Variants in HEATR5A observed in about 807,000 individuals in gnomAD.
HEATR5A encodes the protein HEAT repeat-containing protein 5A.
HEATR5A carries 178 observed loss-of-function variants against 218.8 expected under a neutral mutation model. The ratio of observed to expected loss-of-function variants is 0.81; its 90% CI spans 0.72 to 0.92. The LOEUF (loss-of-function observed/expected upper bound fraction) is 0.92. Ranked by LOEUF, HEATR5A falls within the 40% of genes least tolerant of loss-of-function variation. HEATR5A has a pLI of 0.00. For missense variants in HEATR5A, 2,420 were observed against 2,418.9 expected (o/e 1.00, Z -0.01); for synonymous variants, 864 against 871.6 (o/e 0.99, Z 0.15).
In HEATR5A at chr14:31,337,624, A is replaced by G. The variant is rs1339847312; in HGVS notation, c.3229-10T>C. On this transcript the variant is annotated splice_polypyrimidine_tract_variant and intron_variant, in intron 21 of 35. Transcript: ENST00000543095. ...GGCTACAAAGATTCACCTGAAAAAT[A>G]CCATTTGAGGAACGACAGAGCTAAA... is the stretch of plus-strand genomic sequence containing the variant. 1.3e-6 allele frequency: 2 copies of G among 1,596,232 alleles called. No homozygotes were observed. The highest frequency in any genetic ancestry group is 1.3e-5 in the African/African-American group (1 of 74,688).
chr14:31,409,794 C>T (rs570522713), intron 1 of HEATR5A, among the ~76,000 whole-genome samples: 1 of 152,326 alleles, frequency 6.6e-6, no homozygotes, highest in South Asian at 2.1e-4. Flanking sequence ...TAAGCACCTT[C>T]AACAATGTCA....
intron 13 of HEATR5A, among the ~76,000 whole-genome samples, chr14:31,365,102 T>C (rs904879312): frequency 2.7e-5 from 4 of 150,610 alleles, no homozygotes; most frequent in Non-Finnish European, 5.9e-5. Context: ...CTTGGACTCC[T>C]GACCTCGTGA....
At chr14:31,326,067 G>T in intron 23 of HEATR5A, 96 bp downstream of exon 23, 1 of 869,618 alleles carries the variant, frequency 1.1e-6, no homozygotes, top group Non-Finnish European at 1.9e-6. Context: ...AATCCAGCTA[G>T]TTAGACAAGA....
intron 22 of HEATR5A, chr14:31,334,198 GC>G (rs1900573262): frequency 3.6e-6 from 1 of 277,172 alleles, no homozygotes; most frequent in Admixed American, 4.0e-5. Flanking sequence ...CTGACAATGT[GC>G]CTAGTTACCC....
At chr14:31,376,555 C>T (rs1902234990) in intron 11 of HEATR5A, among the ~76,000 whole-genome samples, 1 of 152,142 alleles carries the variant, frequency 6.6e-6, no homozygotes, top group Non-Finnish European at 1.5e-5. Flanking sequence ...AACACACATA[C>T]ACGCACACTT....
intron 10 of HEATR5A, 97 bp from the exon 11 acceptor site, chr14:31,380,675 T>C (rs1319962374): frequency 6.7e-6 from 5 of 750,858 alleles, no homozygotes; most frequent in Non-Finnish European, 1.1e-5. Flanking sequence ...AATTCTTACA[T>C]AAAATAAATG....
intron 28 of HEATR5A, 121 bp downstream of exon 28, chr14:31,312,847 A>G (rs182504155): frequency 3.6e-5 from 30 of 830,518 alleles, no homozygotes; most frequent in Admixed American, 1.3e-4. Context: ...GCAGTGAGCC[A>G]AAATTGCACC....
At chr14:31,392,960 TGGGTG>T (rs1258437100) in intron 6 of HEATR5A, among the ~76,000 whole-genome samples, 4 of 152,208 alleles carry the variant, frequency 2.6e-5, no homozygotes, top group Non-Finnish European at 5.9e-5. Context: ...TGCTCCACCC[TGGGTG>T]GCAGAGTGAG....
chr14:31,293,643 T>C (rs776665403), intron 35 of HEATR5A, 31 bp from the exon 36 acceptor site: 5 of 1,545,218 alleles, frequency 3.2e-6, no homozygotes, highest in Non-Finnish European at 4.4e-6. Flanking sequence ...ATAAGTTCAG[T>C]GACATAAATG....
chr14:31,326,834 G>A (rs1900284603), intron 22 of HEATR5A, among the ~76,000 whole-genome samples: 1 of 151,800 alleles, frequency 6.6e-6, no homozygotes. Flanking sequence ...TAGTAGAGAT[G>A]GGGTTTCACT....
chr14:31,322,349 T>C lies in HEATR5A; in HGVS notation c.3788-669A>G, dbSNP rs994873230. ...ACAGGAATCAGTTAAGTATCTACAGTATGTAAATTTTGTAACTGTAAAGTA... is the reference window on the plus strand; with the variant it reads ...ACAGGAATCAGTTAAGTATCTACAGCATGTAAATTTTGTAACTGTAAAGTA... On this transcript the variant is annotated intron_variant, in intron 24 of 35. Coordinates refer to ENST00000543095, the MANE Select transcript of HEATR5A (RefSeq NM_015473.4). Among the ~76,000 whole-genome samples, 4 of 152,306 alleles carry C rather than the reference T, an allele frequency of 2.6e-5. No homozygotes were observed. In the East Asian group the frequency reaches 5.8e-4, roughly 22 times the overall value.
chr14:31,312,710 C>T (rs1338899064), intron 28 of HEATR5A, among the ~76,000 whole-genome samples: 1 of 151,962 alleles, frequency 6.6e-6, no homozygotes, highest in Admixed American at 6.6e-5. Context: ...AACAGCCTGG[C>T]AACAAGGCAA....
Position 31,386,493 on chromosome 14 carries a change from A to G in HEATR5A, c.1272T>C (p.Ala424=). 1.2e-6 allele frequency: 2 copies of G among 1,613,270 alleles called. No homozygotes were observed. The highest frequency in any genetic ancestry group is 2.7e-5 in the African/African-American group (2 of 75,006). Residue 424 remains alanine, a synonymous_variant, in exon 9 of 36, where the codon GCT becomes GCC. Coordinates refer to ENST00000543095, the MANE Select transcript of HEATR5A (RefSeq NM_015473.4). ...VAASQHMLVC[A]LQELGNLIHN... ...GTATGAGATTTCCAAGTTCTTGTAA[A>G]GCACAAACCAGCATATGTTGGCTAG...
intron 10 of HEATR5A, among the ~76,000 whole-genome samples, chr14:31,381,210 T>C (rs573854283): frequency 1.3e-5 from 2 of 152,170 alleles, no homozygotes; most frequent in South Asian, 4.1e-4. Flanking sequence ...ATTATGCCAC[T>C]GAAACTCCAG....
At chr14:31,369,881 C>T (rs551914350) in intron 13 of HEATR5A, among the ~76,000 whole-genome samples, 6 of 149,612 alleles carry the variant, frequency 4.0e-5, no homozygotes, top group African/African-American at 1.5e-4. Flanking sequence ...TTGCTGTGAC[C>T]GGAGATCGCG....
intron 1 of HEATR5A, among the ~76,000 whole-genome samples, chr14:31,417,559 G>A (rs2031494983): frequency 6.6e-6 from 1 of 151,448 alleles, no homozygotes; most frequent in South Asian, 2.1e-4. Flanking sequence ...ACTCTAGCCT[G>A]GGTGACAGAA....
rs577497140 is a variant in HEATR5A at position 31,344,268 on chromosome 14, CTTTTTTT to C, written c.3059-210_3059-204del. 1.4e-3 allele frequency among the ~76,000 whole-genome samples: 71 copies of C among 50,830 alleles called. 2 individuals are homozygous for C. The highest frequency in any genetic ancestry group is 8.9e-3 in the South Asian group (8 of 896). The allele number at this position is 50,830 out of a possible 152,430, so 33.3% of individuals were successfully genotyped here. A position where few individuals can be genotyped will look rare whatever the true frequency, so the allele number is the denominator to read the frequency against. On this transcript the variant is annotated intron_variant, in intron 20 of 35. Transcript: ENST00000543095. ...GTTACAGATTGTTAGATTAGTTATTCTTTTTTTTTTTTTTTTTTTTTTTTTTTGAGAC... is the reference window on the plus strand; with the variant it reads ...GTTACAGATTGTTAGATTAGTTATTCTTTTTTTTTTTTTTTTTTTTGAGAC...
chr14:31,343,155 C>T (rs532988183), intron 21 of HEATR5A, among the ~76,000 whole-genome samples: 14 of 151,618 alleles, frequency 9.2e-5, no homozygotes, highest in South Asian at 4.2e-4. Flanking sequence ...GCCAATGGCA[C>T]GATCTCGGCT....
At chr14:31,365,917 G>A (rs1016492158) in intron 13 of HEATR5A, among the ~76,000 whole-genome samples, 2 of 150,532 alleles carry the variant, frequency 1.3e-5, no homozygotes, top group East Asian at 2.0e-4. Flanking sequence ...CACCCATCTC[G>A]GCCTCCTCAA....
Sources: gnomAD v4.1 joint callset for allele counts (sites outside exome capture counted in the v4.1 genomes callset) on GRCh38, gnomAD v4.1.1 for gene constraint, MANE v1.5 for transcripts, NCBI Gene and HGNC (gene_info 2026-07-23, HGNC 2026-07-21) for gene names.